The following MGAT4C variants were observed in gnomAD, a reference collection of about 807,000 sequenced individuals.
The protein encoded by MGAT4C is MGAT4 family member C.
MGAT4C carries 19 observed loss-of-function variants against 40.1 expected under a neutral mutation model. The ratio of observed to expected loss-of-function variants is 0.47; its 90% confidence interval spans 0.33 to 0.70. MGAT4C has a LOEUF of 0.70. Among genes scored for constraint, MGAT4C ranks in the 30% least tolerant of loss-of-function variants. The pLI, the probability that MGAT4C is intolerant of heterozygous loss-of-function variation, is 0.02. For synonymous variants in MGAT4C, 181 were observed against 187.1 expected, an observed-to-expected ratio of 0.97 and a Z score of 0.27; for missense variants, 491 against 563.2, an observed-to-expected ratio of 0.87 and a Z score of 1.30.
At chr12:86,758,305 T>C (rs1379541472) in intron 1 of MGAT4C, among the ~76,000 whole-genome samples, 1 of 150,966 alleles carries the variant, frequency 6.6e-6, no homozygotes, top group Non-Finnish European at 1.5e-5. Flanking sequence ...TAAAGATGAA[T>C]CAAAGGAATT....
At chr12:86,464,927 T>C (rs1173834920) in intron 2 of MGAT4C, among the ~76,000 whole-genome samples, 1 of 152,124 alleles carries the variant, frequency 6.6e-6, no homozygotes, top group East Asian at 1.9e-4. Context: ...ATAAGATTCT[T>C]TGATATTCAC....
chr12:86,025,896 T>C (rs1890198750), intron 2 of MGAT4C, among the ~76,000 whole-genome samples: 1 of 151,814 alleles, frequency 6.6e-6, no homozygotes, highest in Admixed American at 6.6e-5. Context: ...TAATTAATCA[T>C]CAACTCAATA....
intron 2 of MGAT4C, among the ~76,000 whole-genome samples, chr12:86,572,880 C>A (rs1960422742): frequency 6.6e-6 from 1 of 152,090 alleles, no homozygotes; most frequent in Non-Finnish European, 1.5e-5. Context: ...TCCCTTCCTT[C>A]CCCTTTTTCC....
intron 1 of MGAT4C, among the ~76,000 whole-genome samples, chr12:86,142,623 TG>T (rs1882985371): frequency 6.6e-6 from 1 of 152,100 alleles, no homozygotes; most frequent in African/African-American, 2.4e-5. Context: ...AGTAGGGGAT[TG>T]TTTATATATT....
intron 1 of MGAT4C, among the ~76,000 whole-genome samples, chr12:86,218,248 T>C (rs933930867): frequency 1.2e-4 from 19 of 152,198 alleles, no homozygotes; most frequent in African/African-American, 4.6e-4. Context: ...TGTAACTTTC[T>C]GTATTTCCTT....
chr12:86,673,451 G>GCA (rs1168452454), intron 2 of MGAT4C, among the ~76,000 whole-genome samples: 1 of 151,648 alleles, frequency 6.6e-6, no homozygotes, highest in African/African-American at 2.4e-5. Context: ...ATGCGCAAGC[G>GCA]CACACACACA....
chr12:86,736,881 A>C (rs947619956), intron 1 of MGAT4C, among the ~76,000 whole-genome samples: 4 of 151,540 alleles, frequency 2.6e-5, no homozygotes, highest in African/African-American at 9.7e-5. Context: ...CAGTCCTTCT[A>C]TTGTGTACAT....
At chr12:86,011,433 T>C (rs969642863) in intron 2 of MGAT4C, among the ~76,000 whole-genome samples, 9 of 152,176 alleles carry the variant, frequency 5.9e-5, no homozygotes, top group African/African-American at 2.2e-4. Context: ...TTAATTTTGG[T>C]GTGAGTTTTG....
chr12:86,057,767 A>G (rs1893550310), intron 1 of MGAT4C, among the ~76,000 whole-genome samples: 1 of 152,182 alleles, frequency 6.6e-6, no homozygotes, highest in Admixed American at 6.6e-5. Context: ...GATCTTCAAT[A>G]ATTGTTTGCT....
At chr12:86,424,325 T>C (rs912666578) in intron 3 of MGAT4C, among the ~76,000 whole-genome samples, 10 of 152,206 alleles carry the variant, frequency 6.6e-5, no homozygotes, top group Non-Finnish European at 1.5e-4. Context: ...ACTCTTCCAA[T>C]CATCACAGGA....
At position 86,491,916 on chromosome 12, in the gene MGAT4C, TCTC is replaced by T. The variant is rs1276115813; in HGVS notation, c.-228-56654_-228-56652del. 3.9e-5 allele frequency among the ~76,000 whole-genome samples: 6 copies of T among 152,102 alleles called. No individual in the cohort carries two copies. The East Asian group carries it at 1.2e-3, about 29-fold the overall frequency. On this transcript the variant is annotated intron_variant, in intron 2 of 7. Transcript: ENST00000548651. ...AAAACCCCACTGTCTCAGCCCAAAA[TCTC>T]CTTAAGCTGATAAGCAACTTCAGCA...
chr12:86,207,782 T>C (rs1950314897), intron 1 of MGAT4C, among the ~76,000 whole-genome samples: 1 of 152,192 alleles, frequency 6.6e-6, no homozygotes, highest in Non-Finnish European at 1.5e-5. Flanking sequence ...GCTAAGAACT[T>C]TGATCCTTGT....
At chr12:85,988,714 T>C (rs546636350) in intron 3 of MGAT4C, among the ~76,000 whole-genome samples, 253 of 152,142 alleles carry the variant, frequency 1.7e-3, no homozygotes, top group Non-Finnish European at 2.1e-3. Context: ...AACTAACATA[T>C]TAATTTTTCA....
At chr12:86,361,803 T>C (rs564841374) in intron 3 of MGAT4C, among the ~76,000 whole-genome samples, 2 of 152,288 alleles carry the variant, frequency 1.3e-5, no homozygotes, top group Admixed American at 1.3e-4. Context: ...CTCACACCAG[T>C]TAGAATGGCG....
chr12:85,955,736 G>T lies in MGAT4C; in HGVS notation c.*23553C>A, dbSNP rs563758952. On this transcript the variant is annotated 3_prime_UTR_variant, in exon 5 of 5. Coordinates refer to ENST00000611864, the MANE Select transcript of MGAT4C (RefSeq NM_001351288.2). The stretch of plus-strand genomic sequence containing the variant: ...AATTTCAAACAATTCTGAATTTGTT[G>T]CTTCAAATGAATAATAAATTGCAGA... 6.6e-6 allele frequency: 1 copy of T among 151,910 alleles called. No individual in the cohort carries two copies. The highest frequency in any genetic ancestry group is 1.5e-5 in the Non-Finnish European group (1 of 67,964). The allele number at this position is 151,910 out of a possible 1,614,324, so 9.4% of individuals were successfully genotyped here. A position where few individuals can be genotyped will look rare whatever the true frequency, so the allele number is the denominator to read the frequency against.
At chr12:86,260,687 A>C (rs1952639870), upstream of MGAT4C, among the ~76,000 whole-genome samples, 1 of 152,066 alleles carries the variant, frequency 6.6e-6, no homozygotes, top group South Asian at 2.1e-4. Flanking sequence ...TCAATTATTG[A>C]CTGTATATTT....
chr12:86,219,927 G>C (rs1428840953), intron 1 of MGAT4C, among the ~76,000 whole-genome samples: 1 of 152,110 alleles, frequency 6.6e-6, no homozygotes, highest in African/African-American at 2.4e-5. Flanking sequence ...GTTTTTGCAA[G>C]ATAAAATAAG....
chr12:86,049,761 AC>A, intron 1 of MGAT4C, 38 bp from the exon 2 acceptor site: 1 of 802,398 alleles, frequency 1.2e-6, no homozygotes, highest in Non-Finnish European at 1.5e-6. Context: ...AATACAACCC[AC>A]TGGTTTCTTG....
At chr12:86,296,587 G>A (rs927260490) in intron 4 of MGAT4C, among the ~76,000 whole-genome samples, 1 of 152,338 alleles carries the variant, frequency 6.6e-6, no homozygotes, top group East Asian at 1.9e-4. Flanking sequence ...ATCGAGCGCA[G>A]CGCCGGTGGG....
Sources: gnomAD v4.1 joint callset for allele counts (sites outside exome capture counted in the v4.1 genomes callset) on GRCh38, gnomAD v4.1.1 for gene constraint, MANE v1.5 for transcripts, NCBI Gene and HGNC (gene_info 2026-07-23, HGNC 2026-07-21) for gene names.